Variants in TPRG1 observed in about 807,000 individuals in gnomAD.
TPRG1 encodes tumor protein p63-regulated gene 1 protein.
In TPRG1, 29 loss-of-function variants were observed where a neutral mutation model predicts 29.3. The observed-to-expected ratio is 0.99, with a 90% CI of 0.74 to 1.35. The LOEUF is 1.35. Among genes scored for constraint, TPRG1 ranks in the 40% most tolerant of loss-of-function variants. The probability of loss-of-function intolerance (pLI) is 0.00; values close to 1 mark genes in which losing one functional copy is unlikely to be tolerated. For missense variants in TPRG1, 327 were observed against 335.0 expected (o/e 0.98, Z 0.19); for synonymous variants, 130 against 116.8 (o/e 1.11, Z -0.73).
At chr3:189,024,940 C>T (rs963524147) in intron 4 of TPRG1, among the ~76,000 whole-genome samples, 4 of 152,220 alleles carry the variant, frequency 2.6e-5, no homozygotes, top group African/African-American at 9.6e-5. Flanking sequence ...ACAGGCATTA[C>T]GCTGCTGCCA....
intron 3 of TPRG1, among the ~76,000 whole-genome samples, chr3:189,146,169 A>C (rs1725238642): frequency 6.6e-6 from 1 of 152,140 alleles, no homozygotes; most frequent in Non-Finnish European, 1.5e-5. Flanking sequence ...GTACTGAAAA[A>C]CCAGGCAGTG....
At chr3:189,262,013 C>G (rs1452635537) in intron 4 of TPRG1, among the ~76,000 whole-genome samples, 3 of 151,820 alleles carry the variant, frequency 2.0e-5, no homozygotes, top group Non-Finnish European at 2.9e-5. Flanking sequence ...TGGGGAGGAG[C>G]CTGAAATGAT....
rs138026299 is a variant in TPRG1, at chr3:189,196,058, A to G, written c.-9-11318A>G. 7.1e-3 allele frequency among the ~76,000 whole-genome samples: 1,080 copies of G among 152,314 alleles called. 13 individuals carry two copies. Among genetic ancestry groups the G allele is most frequent in the African/African-American group, 0.025 (1,020 of 41,570 alleles). On this transcript the variant is annotated intron_variant, in intron 1 of 5. Coordinates refer to ENST00000345063, the MANE Select transcript of TPRG1 (RefSeq NM_198485.4). ...AGAGAGCAGGTTTCTTTTGCTTCAT[A>G]GGCCAACAAAGCTTTCTCAGGGATT... is the stretch of plus-strand genomic sequence containing the variant.
chr3:189,180,321 A>G (rs1267386240), intron 1 of TPRG1, among the ~76,000 whole-genome samples: 1 of 152,168 alleles, frequency 6.6e-6, no homozygotes, highest in Non-Finnish European at 1.5e-5. Context: ...CAAAGTCTTA[A>G]CTAATTCCAG....
At chr3:188,999,072 T>C (rs1200828211) in intron 1 of TPRG1, among the ~76,000 whole-genome samples, 1 of 152,060 alleles carries the variant, frequency 6.6e-6, no homozygotes, top group East Asian at 1.9e-4. Flanking sequence ...AAAACATAAA[T>C]CTCTTTGGCT....
At chr3:189,307,202 T>A (rs1721763894) in intron 4 of TPRG1, among the ~76,000 whole-genome samples, 1 of 152,140 alleles carries the variant, frequency 6.6e-6, no homozygotes, top group African/African-American at 2.4e-5. Flanking sequence ...TTTGTATTTT[T>A]AGTAGAGATG....
At chr3:189,230,058 C>T (rs576530904) in intron 3 of TPRG1, among the ~76,000 whole-genome samples, 3 of 152,174 alleles carry the variant, frequency 2.0e-5, no homozygotes, top group African/African-American at 7.2e-5. Flanking sequence ...CAAGTGAATT[C>T]AGAGGAGGAG....
chr3:189,285,161 A>G (rs537405314), intron 4 of TPRG1, among the ~76,000 whole-genome samples: 53 of 152,382 alleles, frequency 3.5e-4, no homozygotes, highest in Non-Finnish European at 5.4e-4. Flanking sequence ...AAAAGAAGAC[A>G]TTTATGCAGC....
chr3:189,073,097 A>G, intron 4 of TPRG1, among the ~76,000 whole-genome samples: 1 of 152,214 alleles, frequency 6.6e-6, no homozygotes, highest in South Asian at 2.1e-4. Flanking sequence ...AATAGCATTT[A>G]GAAACTGAGA....
intron 4 of TPRG1, 58 bp from the exon 5 acceptor site, chr3:189,310,328 A>ATTTTT: frequency 1.7e-6 from 2 of 1,197,914 alleles, no homozygotes; most frequent in African/African-American, 1.6e-5. Context: ...ATTACATTCT[A>ATTTTT]TTTTTTTTTT....
At chr3:189,279,882 GT>G (rs1716803671) in intron 4 of TPRG1, among the ~76,000 whole-genome samples, 1 of 152,178 alleles carries the variant, frequency 6.6e-6, no homozygotes, top group Non-Finnish European at 1.5e-5. Flanking sequence ...TTTATGAAAA[GT>G]TATAGGGGTG....
intron 3 of TPRG1, among the ~76,000 whole-genome samples, chr3:189,017,775 T>A (rs1180593287): frequency 6.6e-6 from 1 of 152,194 alleles, no homozygotes; most frequent in African/African-American, 2.4e-5. Context: ...AAATGGTATT[T>A]CTAGTTCTAG....
At chr3:189,116,320 G>T (rs151041226) in intron 1 of TPRG1, among the ~76,000 whole-genome samples, 1 of 152,030 alleles carries the variant, frequency 6.6e-6, no homozygotes, top group African/African-American at 2.4e-5. Context: ...GGGATTGCAG[G>T]CGTCCACCAC....
intron 4 of TPRG1, among the ~76,000 whole-genome samples, chr3:189,309,435 C>T (rs868586345): frequency 6.6e-6 from 1 of 152,126 alleles, no homozygotes; most frequent in African/African-American, 2.4e-5. Context: ...CAAAATGAGA[C>T]ATCCGTGAAG....
rs893807828 is a variant in TPRG1, at chr3:189,104,920, A to G, written c.-744+4716A>G. ...CCATCCCCATCAGCTTTGAAAAATC[A>G]TAATTCAAGTTTTTCCAAGACCTGA... On this transcript the variant is annotated intron_variant, in intron 1 of 6. Transcript: ENST00000412373. Among the ~76,000 whole-genome samples the G allele has an allele frequency of 2.0e-5, 3 of 152,184 alleles. No homozygotes were observed. In the South Asian group the frequency reaches 6.2e-4, roughly 31 times the overall value.
intron 4 of TPRG1, among the ~76,000 whole-genome samples, chr3:189,051,162 T>C (rs1715296509): frequency 6.6e-6 from 1 of 152,156 alleles, no homozygotes; most frequent in East Asian, 1.9e-4. Flanking sequence ...TTGCTGACGA[T>C]ATTTATCATT....
chr3:189,081,955 G>A (rs1170889767), intron 4 of TPRG1, among the ~76,000 whole-genome samples: 1 of 152,220 alleles, frequency 6.6e-6, no homozygotes, highest in African/African-American at 2.4e-5. Context: ...CATCAAAAGA[G>A]ATTCTAGACG....
rs572142975 is a variant in TPRG1 at position 189,202,298 on chromosome 3, A to G, written c.-9-5078A>G. Among the ~76,000 whole-genome samples, 18 of 152,200 alleles carry G rather than the reference A, an allele frequency of 1.2e-4. No individual in the cohort carries two copies. The East Asian group carries it at 3.3e-3, about 28-fold the overall frequency. ...TCGATGATGAAGAGACTGGAGAGCT[A>G]CCCCCCTCAGACCGGGGGTAGGCTA... On this transcript the variant is annotated intron_variant, in intron 1 of 5. Transcript: ENST00000345063.
chr3:189,232,546 A>G (rs573709952), intron 3 of TPRG1, among the ~76,000 whole-genome samples: 1 of 152,262 alleles, frequency 6.6e-6, no homozygotes, highest in South Asian at 2.1e-4. Flanking sequence ...TTCCTTACAT[A>G]TTCCCCCTCA....
Sources: allele counts gnomAD v4.1 joint callset (sites outside exome capture counted in the v4.1 genomes callset), GRCh38; gene constraint gnomAD v4.1.1; transcripts MANE v1.5; gene names NCBI Gene and HGNC (gene_info 2026-07-23, HGNC 2026-07-21).